Variants in SP100 observed in about 807,000 individuals in gnomAD.
SP100 encodes SP100 nuclear body protein, also known as nuclear autoantigen Sp-100.
Under a neutral mutation model 130.0 loss-of-function variants are expected in SP100, and 84 were observed. The ratio of observed to expected loss-of-function variants is 0.65; its 90% confidence interval spans 0.54 to 0.77. SP100 has a LOEUF of 0.77. Ranked by LOEUF, SP100 falls within the 30% of genes least tolerant of loss-of-function variation. SP100 has a pLI of 0.00. For synonymous variants in SP100, 331 were observed against 351.7 expected, an observed-to-expected ratio of 0.94 and a Z score of 0.66; for missense variants, 978 against 1,052.2, an observed-to-expected ratio of 0.93 and a Z score of 0.97.
At chr2:230,518,903 G>A (rs1691044265) in intron 24 of SP100, among the ~76,000 whole-genome samples, 1 of 152,160 alleles carries the variant, frequency 6.6e-6, no homozygotes. Flanking sequence ...TTAGATGTTT[G>A]GGACTACTAA....
intron 4 of SP100, among the ~76,000 whole-genome samples, chr2:230,445,674 A>T (rs960262598): frequency 6.6e-6 from 1 of 152,210 alleles, no homozygotes; most frequent in Non-Finnish European, 1.5e-5. Flanking sequence ...ATACCTGGGC[A>T]CAAATTTTGA....
chr2:230,482,742 C>A (rs1309174141), intron 17 of SP100, among the ~76,000 whole-genome samples: 1 of 151,720 alleles, frequency 6.6e-6, no homozygotes, highest in Non-Finnish European at 1.5e-5. Flanking sequence ...CTAGTCTGAT[C>A]CATTGCCCTA....
chr2:230,440,786 A>T, intron 2 of SP100, among the ~76,000 whole-genome samples: 1 of 152,172 alleles, frequency 6.6e-6, no homozygotes, highest in Non-Finnish European at 1.5e-5. Context: ...AAGCCATGAT[A>T]TTTAAGGCAA....
At chr2:230,453,459 T>C (rs2064118377) in intron 8 of SP100, among the ~76,000 whole-genome samples, 2 of 152,222 alleles carry the variant, frequency 1.3e-5, no homozygotes, top group African/African-American at 4.8e-5. Flanking sequence ...TTGTCATGTA[T>C]GGCCACTATT....
intron 2 of SP100, among the ~76,000 whole-genome samples, chr2:230,432,843 G>A (rs2063139101): frequency 6.6e-6 from 1 of 151,966 alleles, no homozygotes; most frequent in African/African-American, 2.4e-5. Flanking sequence ...TTTAAATTTT[G>A]TTAAATTTTA....
chr2:230,506,207 T>C (rs1690087617), intron 21 of SP100, 96 bp from the exon 22 acceptor site: 2 of 1,357,346 alleles, frequency 1.5e-6, no homozygotes, highest in South Asian at 2.6e-5. Context: ...GCTACGATCC[T>C]AAGCCCAAAG....
intron 24 of SP100, chr2:230,537,673 C>G (rs570887998): frequency 1.3e-5 from 2 of 152,302 alleles, no homozygotes; most frequent in African/African-American, 4.8e-5. Context: ...TCAACCTTGG[C>G]TGCACGTTGC....
In SP100 at chr2:230,467,567, C is replaced by T. The variant is rs377725832; in HGVS notation, c.1291+352C>T. On this transcript the variant is annotated intron_variant, in intron 13 of 28. Coordinates refer to ENST00000340126, the MANE Select transcript of SP100 (RefSeq NM_001080391.2). ...CAATCATGGCAGAAGGTGAAAGGCA[C>T]GTCTCACATGGTGGCAGACAAGAGA... Among the ~76,000 whole-genome samples the T allele has an allele frequency of 9.2e-5, 14 of 152,302 alleles. No homozygotes were observed. The East Asian group carries it at 1.7e-3, about 19-fold the overall frequency.
intron 9 of SP100, 47 bp downstream of exon 9, chr2:230,461,461 G>C (rs2064623024): frequency 6.3e-7 from 1 of 1,599,076 alleles, no homozygotes; most frequent in South Asian, 1.1e-5. Flanking sequence ...CAGGTTACCA[G>C]GTAAGGGGCT....
chr2:230,491,863 A>G (rs1240556619), intron 17 of SP100, among the ~76,000 whole-genome samples: 2 of 152,216 alleles, frequency 1.3e-5, no homozygotes, highest in African/African-American at 2.4e-5. Flanking sequence ...AATGGCATAT[A>G]AGCAGAAGAT....
intron 23 of SP100, chr2:230,508,691 G>A (rs1023618525): frequency 3.9e-5 from 6 of 152,202 alleles, no homozygotes; most frequent in African/African-American, 1.4e-4. Flanking sequence ...GCACAAAACA[G>A]TGTGCCTTTG....
At chr2:230,486,188 G>A (rs1305469422) in intron 17 of SP100, among the ~76,000 whole-genome samples, 1 of 152,208 alleles carries the variant, frequency 6.6e-6, no homozygotes, top group Non-Finnish European at 1.5e-5. Context: ...CAACCCAGGA[G>A]AGAGGGTGAG....
chr2:230,512,589 A>T lies in SP100; in HGVS notation c.2094+1423A>T, dbSNP rs371857429. 3.9e-5 allele frequency among the ~76,000 whole-genome samples: 6 copies of T among 152,186 alleles called. No homozygotes were observed. In the East Asian group the frequency reaches 1.2e-3, roughly 29 times the overall value. ...AGGCATGAGCCACCGCACTGGCCAC[A>T]AGTTGAAGTGCTCTTATAGCAGAGG... On this transcript the variant is annotated intron_variant, in intron 24 of 28. Coordinates refer to ENST00000340126, the MANE Select transcript of SP100 (RefSeq NM_001080391.2).
At position 230,502,122 on chromosome 2, in the gene SP100, C is replaced by A. The variant is rs1035430282; in HGVS notation, c.1721-944C>A. Among the ~76,000 whole-genome samples the A allele has an allele frequency of 1.3e-5, 2 of 151,438 alleles. 1 individual carries two copies. The highest frequency in any genetic ancestry group is 6.8e-3 in the Middle Eastern group (2 of 292). On this transcript the variant is annotated intron_variant, in intron 19 of 28. Transcript: ENST00000340126. Reference sequence around the variant, plus strand: ...TGAACTCCTGACCTCAGCCTCAGAACTCCATCCACCTTGGCCTCCCAAAGT... The same window carrying A: ...TGAACTCCTGACCTCAGCCTCAGAAATCCATCCACCTTGGCCTCCCAAAGT...
chr2:230,439,313 GT>G (rs1250591663), intron 2 of SP100, among the ~76,000 whole-genome samples: 1 of 152,068 alleles, frequency 6.6e-6, no homozygotes, highest in African/African-American at 2.4e-5. Flanking sequence ...TTTTAGGATT[GT>G]TTTTTCTAGT....
chr2:230,483,747 C>T (rs2065939499), intron 17 of SP100, among the ~76,000 whole-genome samples: 2 of 152,090 alleles, frequency 1.3e-5, no homozygotes, highest in Admixed American at 1.3e-4. Flanking sequence ...TATTCATATA[C>T]ACATATACAG....
chr2:230,432,471 C>T lies in SP100; in HGVS notation c.108-10466C>T, dbSNP rs10184496. 9.8e-3 allele frequency among the ~76,000 whole-genome samples: 1,486 copies of T among 152,158 alleles called. 20 individuals carry two copies. The highest frequency in any genetic ancestry group is 0.032 in the African/African-American group (1,338 of 41,534). On this transcript the variant is annotated intron_variant, in intron 2 of 28. Coordinates refer to ENST00000340126, the MANE Select transcript of SP100 (RefSeq NM_001080391.2). ...TTTCAAATCTGTCTTACAGTGTTTC[C>T]GAAAGACCATTTTACAGCAATGTAT... is the stretch of plus-strand genomic sequence containing the variant.
intron 5 of SP100, among the ~76,000 whole-genome samples, chr2:230,447,732 A>G (rs573426883): frequency 5.3e-5 from 8 of 152,350 alleles, no homozygotes; most frequent in Admixed American, 2.0e-4. Context: ...GTGTTTGCCA[A>G]CCCAGAAGAT....
chr2:230,473,546 C>T, intron 16 of SP100, 106 bp downstream of exon 16: 1 of 619,032 alleles, frequency 1.6e-6, no homozygotes, highest in Non-Finnish European at 2.9e-6. Context: ...ATGAAACAGC[C>T]TCTGGATCAC....
Sources: allele counts gnomAD v4.1 joint callset (sites outside exome capture counted in the v4.1 genomes callset), GRCh38; gene constraint gnomAD v4.1.1; transcripts MANE v1.5; gene names NCBI Gene and HGNC (gene_info 2026-07-23, HGNC 2026-07-21).